The following PRKN variants were observed in gnomAD, a reference collection of about 807,000 sequenced individuals.
PRKN encodes the protein parkin RBR E3 ubiquitin protein ligase.
Under a neutral mutation model 59.5 loss-of-function variants are expected in PRKN, and 56 were observed. The ratio of observed to expected loss-of-function variants is 0.94; its 90% confidence interval spans 0.76 to 1.18. The LOEUF is 1.18. Ranked by LOEUF, PRKN falls within the 50% of genes most tolerant of loss-of-function variation. The probability of loss-of-function intolerance (pLI) is 0.00; values close to 1 mark genes in which losing one functional copy is unlikely to be tolerated. For synonymous variants in PRKN, 250 were observed against 222.1 expected (o/e 1.13, Z -1.12); for missense variants, 657 against 596.4 (o/e 1.10, Z -1.06).
chr6:162,578,092 G>A (rs1030148883), intron 1 of PRKN, among the ~76,000 whole-genome samples: 1 of 152,076 alleles, frequency 6.6e-6, no homozygotes. Flanking sequence ...CTGATATATG[G>A]ATATTCTCTC....
At chr6:161,871,460 G>A (rs895614438) in intron 6 of PRKN, among the ~76,000 whole-genome samples, 1 of 151,998 alleles carries the variant, frequency 6.6e-6, no homozygotes, top group African/African-American at 2.4e-5. Context: ...TAGAACTCAG[G>A]GTGCAGTTTT....
chr6:161,767,516 C>CAAA (rs11312010), intron 7 of PRKN, among the ~76,000 whole-genome samples: 4 of 145,536 alleles, frequency 2.7e-5, no homozygotes, highest in Non-Finnish European at 6.0e-5. Flanking sequence ...AACTCCTTCT[C>CAAA]AAAAAAAAAA....
At chr6:161,387,609 T>A (rs914289546) in intron 9 of PRKN, among the ~76,000 whole-genome samples, 5 of 152,262 alleles carry the variant, frequency 3.3e-5, no homozygotes, top group African/African-American at 9.6e-5. Flanking sequence ...AGACATTCCC[T>A]TTAATATTTG....
chr6:161,430,644 T>C (rs1788596316), intron 9 of PRKN, among the ~76,000 whole-genome samples: 1 of 151,244 alleles, frequency 6.6e-6, no homozygotes, highest in South Asian at 2.1e-4. Context: ...TGAAACCCTG[T>C]CTCTACTAAA....
intron 7 of PRKN, among the ~76,000 whole-genome samples, chr6:161,674,559 T>A (rs1044815823): frequency 2.0e-5 from 3 of 152,156 alleles, no homozygotes; most frequent in Non-Finnish European, 2.9e-5. Flanking sequence ...TATAATTTTT[T>A]AAAAATTTAA....
At chr6:162,417,799 C>T (rs144106910) in intron 2 of PRKN, among the ~76,000 whole-genome samples, 5 of 152,266 alleles carry the variant, frequency 3.3e-5, no homozygotes, top group Non-Finnish European at 7.4e-5. Context: ...TTAGTGTCCA[C>T]GTGGCAGGTT....
intron 4 of PRKN, among the ~76,000 whole-genome samples, chr6:162,191,500 T>C (rs771265038): frequency 7.2e-5 from 11 of 152,200 alleles, no homozygotes; most frequent in Non-Finnish European, 1.5e-4. Flanking sequence ...TGGAGTGCAA[T>C]AGTGCCATCT....
At position 162,009,018 on chromosome 6, in the gene PRKN, G is replaced by A. The variant is rs1490859205; in HGVS notation, c.619-35601C>T. ...GCCTGTAATCCCAGCACTTTGGGAG[G>A]CTGAGGCGGGCGGATCACGAGGTCA... On this transcript the variant is annotated intron_variant, in intron 5 of 11. Transcript: ENST00000366898. 2.0e-5 allele frequency among the ~76,000 whole-genome samples: 3 copies of A among 151,928 alleles called. No individual in the cohort carries two copies. The South Asian group carries it at 6.2e-4, about 32-fold the overall frequency.
intron 7 of PRKN, among the ~76,000 whole-genome samples, chr6:161,603,166 T>C (rs946126217): frequency 6.6e-6 from 1 of 152,160 alleles, no homozygotes; most frequent in East Asian, 1.9e-4. Context: ...TGGCACCATA[T>C]TGACTATCTT....
intron 1 of PRKN, among the ~76,000 whole-genome samples, chr6:162,688,459 A>T (rs1406353629): frequency 6.6e-6 from 1 of 152,228 alleles, no homozygotes; most frequent in Non-Finnish European, 1.5e-5. Context: ...ATAAAAATTT[A>T]AAAATAGGTC....
chr6:161,974,942 C>T (rs542167554), intron 5 of PRKN, among the ~76,000 whole-genome samples: 1 of 152,270 alleles, frequency 6.6e-6, no homozygotes, highest in African/African-American at 2.4e-5. Context: ...ATGGGTGTGG[C>T]TGTGTCCTAA....
intron 9 of PRKN, among the ~76,000 whole-genome samples, chr6:161,481,459 C>T (rs1049266720): frequency 1.3e-5 from 2 of 152,156 alleles, no homozygotes; most frequent in East Asian, 3.9e-4. Context: ...AAAAAATTAG[C>T]TGGGCATGGT....
Position 161,377,956 on chromosome 6 carries a change from G to A in PRKN, c.1167+8838C>T, listed in dbSNP as rs1418558730. Among the ~76,000 whole-genome samples the A allele has an allele frequency of 2.6e-5, 4 of 152,176 alleles. No homozygotes were observed. Among genetic ancestry groups the A allele is most frequent in the Admixed American group, 2.0e-4 (3 of 15,278 alleles). On this transcript the variant is annotated intron_variant, in intron 10 of 11. Coordinates refer to ENST00000366898, the MANE Select transcript of PRKN (RefSeq NM_004562.3). This position sits in a 1 kb window ranked among gnomAD's most constrained non-coding sequence, Gnocchi z 4.2. Reference sequence around the variant, plus strand: ...TAAGCCAGCCAGTCTACGGTATTGAGTGACAGCAGCCCAAACAGATGAGGC... The same window carrying A: ...TAAGCCAGCCAGTCTACGGTATTGAATGACAGCAGCCCAAACAGATGAGGC...
intron 4 of PRKN, among the ~76,000 whole-genome samples, chr6:162,086,110 C>A (rs1481460655): frequency 6.6e-6 from 1 of 152,072 alleles, no homozygotes; most frequent in Non-Finnish European, 1.5e-5. Context: ...TGTACTAATG[C>A]CCTTTTCTTT....
At chr6:161,827,219 G>C (rs889315089) in intron 6 of PRKN, among the ~76,000 whole-genome samples, 2 of 152,130 alleles carry the variant, frequency 1.3e-5, no homozygotes, top group African/African-American at 2.4e-5. Context: ...GCTATGGAAG[G>C]GGCTCTGTTC....
intron 7 of PRKN, among the ~76,000 whole-genome samples, chr6:161,687,751 G>C (rs1443452712): frequency 6.6e-6 from 1 of 151,918 alleles, no homozygotes; most frequent in East Asian, 1.9e-4. Context: ...CCACCGCGCC[G>C]GGCCAAGATA....
At chr6:161,716,945 A>G (rs1315200407) in intron 7 of PRKN, among the ~76,000 whole-genome samples, 1 of 152,220 alleles carries the variant, frequency 6.6e-6, no homozygotes, top group East Asian at 1.9e-4. Context: ...TTAGAGAAGC[A>G]TCACACTGAA....
intron 6 of PRKN, among the ~76,000 whole-genome samples, chr6:161,791,086 C>G (rs998700852): frequency 1.3e-5 from 2 of 152,054 alleles, no homozygotes; most frequent in African/African-American, 4.8e-5. Context: ...GTTAATTGAT[C>G]GATCCAGAGA....
chr6:161,477,529 T>TACTG (rs1791159951), intron 9 of PRKN, among the ~76,000 whole-genome samples: 1 of 106,600 alleles, frequency 9.4e-6, no homozygotes, highest in Non-Finnish European at 2.2e-5. Context: ...AAAAAAAAAA[T>TACTG]ACTGGTACTT....
Sources: allele counts gnomAD v4.1 joint callset (sites outside exome capture counted in the v4.1 genomes callset), GRCh38; gene constraint gnomAD v4.1.1; non-coding constraint Gnocchi (gnomAD v3.1); transcripts MANE v1.5; gene names NCBI Gene and HGNC (gene_info 2026-07-23, HGNC 2026-07-21).